SULF1: variants seen among roughly 807,000 people sequenced by gnomAD.
SULF1 encodes extracellular sulfatase Sulf-1.
Under a neutral mutation model 110.5 loss-of-function variants are expected in SULF1, and 46 were observed. The observed-to-expected ratio is 0.42, with a 90% confidence interval of 0.33 to 0.53. The LOEUF is 0.53. SULF1 is among the 20% of genes least tolerant of loss of function. The pLI is 0.12. For synonymous variants in SULF1, 371 were observed against 387.1 expected, an observed-to-expected ratio of 0.96 and a Z score of 0.49; for missense variants, 941 against 1,094.2, an observed-to-expected ratio of 0.86 and a Z score of 1.98.
intron 2 of SULF1, among the ~76,000 whole-genome samples, chr8:69,498,352 A>G (rs1426286003): frequency 6.6e-6 from 1 of 152,196 alleles, no homozygotes; most frequent in Non-Finnish European, 1.5e-5. Flanking sequence ...CTTGGAGTCT[A>G]TATTTTTAAC....
intron 3 of SULF1, among the ~76,000 whole-genome samples, chr8:69,552,952 T>C (rs1292371127): frequency 6.6e-6 from 1 of 152,196 alleles, no homozygotes; most frequent in African/African-American, 2.4e-5. Context: ...ACTAAACAGG[T>C]GGCCTAGTGA....
intron 4 of SULF1, 127 bp from the exon 5 acceptor site, chr8:69,563,789 T>C: frequency 1.8e-6 from 1 of 570,302 alleles, no homozygotes; most frequent in East Asian, 2.9e-5. Flanking sequence ...TTCTGACTCA[T>C]GTGCAACCCT....
intron 3 of SULF1, among the ~76,000 whole-genome samples, chr8:69,543,785 G>A (rs1227036174): frequency 6.6e-6 from 1 of 152,122 alleles, no homozygotes; most frequent in Non-Finnish European, 1.5e-5. Context: ...GCATCACTCT[G>A]TGTTGGCAGT....
chr8:69,575,044 G>C (rs1002413991), intron 5 of SULF1, among the ~76,000 whole-genome samples: 1 of 152,092 alleles, frequency 6.6e-6, no homozygotes, highest in Non-Finnish European at 1.5e-5. Context: ...GAAATCTGAG[G>C]CTCCAAGATT....
At chr8:69,631,211 G>T (rs1810513675) in intron 19 of SULF1, among the ~76,000 whole-genome samples, 1 of 152,226 alleles carries the variant, frequency 6.6e-6, no homozygotes, top group South Asian at 2.1e-4. Context: ...GAAGCTCCTT[G>T]AAAGCTGAAG....
intron 8 of SULF1, chr8:69,597,363 T>A (rs1162577465): frequency 1.3e-5 from 2 of 152,218 alleles, no homozygotes; most frequent in African/African-American, 4.8e-5. Context: ...TCTGTCTTCC[T>A]TTAAAAGGCA....
chr8:69,626,432 C>A (rs1007022987), intron 15 of SULF1, among the ~76,000 whole-genome samples: 2 of 152,272 alleles, frequency 1.3e-5, no homozygotes, highest in African/African-American at 2.4e-5. Flanking sequence ...TTAGTGGATC[C>A]CGCACAGGGG....
chr8:69,599,601 C>T (rs1415615713), intron 8 of SULF1, among the ~76,000 whole-genome samples: 1 of 152,122 alleles, frequency 6.6e-6, no homozygotes, highest in African/African-American at 2.4e-5. Flanking sequence ...GCATAATACC[C>T]AACACATATT....
intron 22 of SULF1, among the ~76,000 whole-genome samples, chr8:69,653,305 C>T (rs146447019): frequency 5.9e-5 from 9 of 152,192 alleles, no homozygotes; most frequent in East Asian, 5.8e-4. Context: ...CCTGGGCTCA[C>T]GCAATCCTCC....
chr8:69,567,606 G>C (rs1815986377), intron 5 of SULF1, among the ~76,000 whole-genome samples: 1 of 151,920 alleles, frequency 6.6e-6, no homozygotes, highest in Non-Finnish European at 1.5e-5. Flanking sequence ...TTTATGACTG[G>C]CTTATTTTAC....
chr8:69,619,648 A>G (rs537668923), intron 13 of SULF1, among the ~76,000 whole-genome samples: 1 of 152,368 alleles, frequency 6.6e-6, no homozygotes, highest in African/African-American at 2.4e-5. Context: ...TCTGTCTCAC[A>G]TAGCAGCATG....
intron 3 of SULF1, among the ~76,000 whole-genome samples, chr8:69,526,095 G>T (rs534140186): frequency 6.6e-6 from 1 of 152,186 alleles, no homozygotes; most frequent in Non-Finnish European, 1.5e-5. Context: ...GTAAAGTTTG[G>T]AAATATAAAT....
At chr8:69,636,539 GA>G (rs796254343) in intron 19 of SULF1, among the ~76,000 whole-genome samples, 4,370 of 144,094 alleles carry the variant, frequency 0.03, 204 homozygotes, top group African/African-American at 0.1. Context: ...TCCATCTCAA[GA>G]AAAAAAAAAA....
chr8:69,596,016 T>C (rs375344176), intron 8 of SULF1, among the ~76,000 whole-genome samples: 5 of 152,264 alleles, frequency 3.3e-5, no homozygotes, highest in African/African-American at 1.2e-4. Context: ...AATCAAACAC[T>C]CAGGAGAATT....
At chr8:69,502,674 C>CT (rs1810888478) in intron 3 of SULF1, among the ~76,000 whole-genome samples, 1 of 124,484 alleles carries the variant, frequency 8.0e-6, no homozygotes, top group African/African-American at 3.0e-5. Flanking sequence ...TTTTTCTTTT[C>CT]TTTTTCTTTT....
rs560001186 is a variant in SULF1 at position 69,608,803 on chromosome 8, A to G, written c.1377+3871A>G. On this transcript the variant is annotated intron_variant, in intron 13 of 22. Transcript: ENST00000402687. ...GGGGACTAATTAAGACAACATGGAC[A>G]TATGTGTTTGCATTACTTCCACGTT... Among the ~76,000 whole-genome samples the G allele has an allele frequency of 4.5e-4, 69 of 152,336 alleles. No individual in the cohort carries two copies. In the East Asian group the frequency reaches 0.012, roughly 27 times the overall value.
chr8:69,516,080 C>T (rs1208365063), intron 3 of SULF1, among the ~76,000 whole-genome samples: 1 of 152,206 alleles, frequency 6.6e-6, no homozygotes, highest in South Asian at 2.1e-4. Context: ...CTGCCCATTA[C>T]CCAGTTCCAA....
At chr8:69,608,879 G>A (rs939648688) in intron 13 of SULF1, among the ~76,000 whole-genome samples, 1 of 151,926 alleles carries the variant, frequency 6.6e-6, no homozygotes, top group Non-Finnish European at 1.5e-5. Flanking sequence ...TCTCAGCTGG[G>A]CGTTACACCC....
At chr8:69,493,349 C>T (rs1219234871) in intron 1 of SULF1, among the ~76,000 whole-genome samples, 1 of 151,700 alleles carries the variant, frequency 6.6e-6, no homozygotes, top group Non-Finnish European at 1.5e-5. Flanking sequence ...ATTCACTTAA[C>T]AAAATAGTAC....
Sources: allele counts gnomAD v4.1 joint callset (sites outside exome capture counted in the v4.1 genomes callset), GRCh38; gene constraint gnomAD v4.1.1; transcripts MANE v1.5; gene names NCBI Gene and HGNC (gene_info 2026-07-23, HGNC 2026-07-21).